Variants in CEP63 observed in about 807,000 individuals in gnomAD.
CEP63 encodes the protein centrosomal protein 63, also known as centrosomal protein of 63 kDa.
In CEP63, 84 loss-of-function variants were observed where a neutral mutation model predicts 89.1. The ratio of observed to expected loss-of-function variants is 0.94; its 90% CI spans 0.79 to 1.13. The LOEUF is 1.13. Ranked by LOEUF, CEP63 falls within the 50% of genes most tolerant of loss-of-function variation. The probability of loss-of-function intolerance (pLI) is 0.00; values close to 1 mark genes in which losing one functional copy is unlikely to be tolerated. For missense variants in CEP63, 838 were observed against 813.3 expected (o/e 1.03, Z -0.37); for synonymous variants, 267 against 272.5 (o/e 0.98, Z 0.20).
At chr3:134,637,873 A>G in the CEP63 span, among the ~76,000 whole-genome samples, 1 of 152,232 alleles carries the variant, frequency 6.6e-6, no homozygotes, top group Non-Finnish European at 1.5e-5. Flanking sequence ...CCTCCAGGGC[A>G]GGGTGTTGAG....
Position 134,545,728 on chromosome 3 carries a change from G to C in CEP63, c.698G>C (p.Arg233Thr). The change falls in exon 7 of 15, where the codon AGG becomes ACG. Residue 233 changes from arginine to threonine, a missense_variant. Arg to Thr is a moderately conservative substitution (Grantham distance 71, BLOSUM62 -1). Coordinates refer to ENST00000675561, the MANE Select transcript of CEP63 (RefSeq NM_001353108.3). Reference sequence around the variant, plus strand: ...TTGGAAATAGAGCGCCTCACCATGAGGGTCAATGACTTGGTTGGAACCAGT... The same window carrying C: ...TTGGAAATAGAGCGCCTCACCATGACGGTCAATGACTTGGTTGGAACCAGT... The part of the protein sequence containing the change: ...NELEIERLTM[R>T]VNDLVGTSMT... The C allele has an allele frequency of 6.2e-7, 1 of 1,614,110 alleles. No homozygotes were observed.
the CEP63 span, among the ~76,000 whole-genome samples, chr3:134,645,565 A>C: frequency 6.6e-6 from 1 of 152,390 alleles, no homozygotes; most frequent in South Asian, 2.1e-4. Context: ...CAGAAAACAC[A>C]GAAAGAAACT....
At chr3:134,604,285 G>A in the CEP63 span, 1 of 1,614,000 alleles carries the variant, frequency 6.2e-7, no homozygotes, top group Non-Finnish European at 8.5e-7. Context: ...CTCCAGCACT[G>A]AGCTGTAGAT....
chr3:134,485,955 C>A (rs1414679823), upstream of CEP63: 5 of 982,124 alleles, frequency 5.1e-6, no homozygotes, highest in Non-Finnish European at 6.0e-6. Context: ...CCCTTACCGG[C>A]ACCCGGCCAC....
At chr3:134,607,566 A>C in the CEP63 span, 8 of 985,604 alleles carry the variant, frequency 8.1e-6, no homozygotes, top group Non-Finnish European at 9.6e-6. Context: ...AGGGCTGTGC[A>C]GCGTGCCCAG....
chr3:134,661,807 G>GC, the CEP63 span, among the ~76,000 whole-genome samples: 68,408 of 148,762 alleles, frequency 0.46, 16,533 homozygotes, highest in East Asian at 0.67. Context: ...GAATATTTGT[G>GC]CCCCCCCCCT....
At chr3:134,557,376 G>GTTTTTTGTTTTTTTTTTTT (rs1956393276) in intron 12 of CEP63, among the ~76,000 whole-genome samples, 1 of 101,500 alleles carries the variant, frequency 9.9e-6, no homozygotes, top group African/African-American at 4.9e-5. Flanking sequence ...TTCATAATTT[G>GTTTTTTGTTTTTTTTTTTT]TTTTTTTTTT....
chr3:134,737,239 G>A, the CEP63 span, among the ~76,000 whole-genome samples: 2 of 152,126 alleles, frequency 1.3e-5, no homozygotes, highest in African/African-American at 4.8e-5. Flanking sequence ...CTTTAGGGTT[G>A]GGAAGGATTC....
the CEP63 span, among the ~76,000 whole-genome samples, chr3:134,649,328 G>C: frequency 6.6e-6 from 1 of 152,146 alleles, no homozygotes; most frequent in Admixed American, 6.5e-5. Flanking sequence ...CCTGATGCCT[G>C]GTGTTTCCTG....
the CEP63 span, among the ~76,000 whole-genome samples, chr3:134,738,998 G>A: frequency 3.3e-5 from 5 of 150,438 alleles, no homozygotes; most frequent in South Asian, 4.2e-4. Context: ...AACAAGTGCC[G>A]ATGAGGCCAG....
At chr3:134,626,736 T>C in the CEP63 span, among the ~76,000 whole-genome samples, 1 of 152,190 alleles carries the variant, frequency 6.6e-6, no homozygotes, top group African/African-American at 2.4e-5. Context: ...AATGCCCACT[T>C]ATTGGGGAGC....
At chr3:134,655,590 C>G in the CEP63 span, among the ~76,000 whole-genome samples, 1 of 152,204 alleles carries the variant, frequency 6.6e-6, no homozygotes, top group South Asian at 2.1e-4. Flanking sequence ...ACACCCAACC[C>G]TTGACACCCC....
intron 3 of CEP63, among the ~76,000 whole-genome samples, chr3:134,520,964 G>A (rs574665414): frequency 6.6e-6 from 1 of 152,112 alleles, no homozygotes; most frequent in Non-Finnish European, 1.5e-5. Context: ...TTGGAGTAGG[G>A]AAAGATTTCT....
At chr3:134,495,907 C>CT (rs1939718348) in intron 2 of CEP63, among the ~76,000 whole-genome samples, 1 of 152,154 alleles carries the variant, frequency 6.6e-6, no homozygotes, top group Admixed American at 6.6e-5. Flanking sequence ...GGGCTTCATT[C>CT]TTTTTTATGG....
intron 1 of CEP63, among the ~76,000 whole-genome samples, chr3:134,490,980 G>A (rs1459491609): frequency 6.6e-6 from 1 of 152,174 alleles, no homozygotes; most frequent in Non-Finnish European, 1.5e-5. Flanking sequence ...GTCCCCTCTT[G>A]ATAGACACTT....
the CEP63 span, among the ~76,000 whole-genome samples, chr3:134,655,938 T>C: frequency 6.6e-6 from 1 of 152,088 alleles, no homozygotes; most frequent in Non-Finnish European, 1.5e-5. Flanking sequence ...GCTGGGAGCA[T>C]TCAGCAGTCT....
the CEP63 span, among the ~76,000 whole-genome samples, chr3:134,631,992 G>T: frequency 6.6e-6 from 1 of 152,044 alleles, no homozygotes; most frequent in Non-Finnish European, 1.5e-5. Flanking sequence ...ATAACAGAAA[G>T]CTGGAGTTGC....
the CEP63 span, among the ~76,000 whole-genome samples, chr3:134,631,929 C>G: frequency 0.97 from 148,404 of 152,234 alleles, 72,445 homozygotes; most frequent in East Asian, 1. Flanking sequence ...ACTATATTCA[C>G]TTTCCAAGGA....
the CEP63 span, among the ~76,000 whole-genome samples, chr3:134,702,641 A>T: frequency 6.6e-6 from 1 of 152,208 alleles, no homozygotes; most frequent in Admixed American, 6.5e-5. Context: ...AGAAAAAAAC[A>T]TTAAAAAGTG....
Sources: gnomAD v4.1 joint callset for allele counts (sites outside exome capture counted in the v4.1 genomes callset) on GRCh38, gnomAD v4.1.1 for gene constraint, MANE v1.5 for transcripts, NCBI Gene and HGNC (gene_info 2026-07-23, HGNC 2026-07-21) for gene names.